The following CHN1 variants were observed in gnomAD, a reference collection of about 807,000 sequenced individuals.
CHN1 encodes N-chimaerin.
In CHN1, 37 loss-of-function variants were observed where a neutral mutation model predicts 59.5. That is an observed-to-expected ratio of 0.62 (90% confidence interval 0.48 to 0.82). CHN1 has a LOEUF of 0.82. Among genes scored for constraint, CHN1 ranks in the 40% least tolerant of loss-of-function variants. The probability of loss-of-function intolerance (pLI) is 0.00; values close to 1 mark genes in which losing one functional copy is unlikely to be tolerated. For synonymous variants in CHN1, 206 were observed against 200.4 expected, an observed-to-expected ratio of 1.03 and a Z score of -0.24; for missense variants, 469 against 571.0, an observed-to-expected ratio of 0.82 and a Z score of 1.82.
At chr2:174,851,171 C>G (rs1686717427) in intron 6 of CHN1, among the ~76,000 whole-genome samples, 1 of 152,156 alleles carries the variant, frequency 6.6e-6, no homozygotes, top group Non-Finnish European at 1.5e-5. Flanking sequence ...TGGGTGGGAG[C>G]CTAAACTGGT....
At chr2:174,829,476 A>G (rs1685796631) in intron 7 of CHN1, among the ~76,000 whole-genome samples, 1 of 152,264 alleles carries the variant, frequency 6.6e-6, no homozygotes, top group African/African-American at 2.4e-5. Context: ...CATCATGTTT[A>G]CAGCATTCAT....
chr2:174,858,280 C>A (rs1315641351), intron 6 of CHN1, among the ~76,000 whole-genome samples: 2 of 152,204 alleles, frequency 1.3e-5, no homozygotes, highest in South Asian at 2.1e-4. Flanking sequence ...TAGAATATAT[C>A]AATTGTAATT....
chr2:174,973,708 G>C (rs192544453), intron 1 of CHN1, among the ~76,000 whole-genome samples: 1 of 152,156 alleles, frequency 6.6e-6, no homozygotes, highest in Non-Finnish European at 1.5e-5. Context: ...GCAGGACAGC[G>C]GTGAGAAGTG....
chr2:175,003,982 A>T (rs1400827659), intron 1 of CHN1, among the ~76,000 whole-genome samples: 2 of 152,236 alleles, frequency 1.3e-5, no homozygotes, highest in African/African-American at 2.4e-5. Context: ...ATTAAAACTG[A>T]ACTGGAAACT....
chr2:174,974,923 A>G (rs1459457600), intron 1 of CHN1, among the ~76,000 whole-genome samples: 1 of 151,870 alleles, frequency 6.6e-6, no homozygotes, highest in Middle Eastern at 3.2e-3. Flanking sequence ...ACACACACAC[A>G]CACACACACA....
At chr2:174,829,662 A>G (rs1336006226) in intron 7 of CHN1, among the ~76,000 whole-genome samples, 1 of 152,224 alleles carries the variant, frequency 6.6e-6, no homozygotes, top group Non-Finnish European at 1.5e-5. Context: ...TGCAAATGTA[A>G]GCCACGTTGG....
At chr2:174,802,190 A>T (rs1446486803) in intron 11 of CHN1, 1 of 217,008 alleles carries the variant, frequency 4.6e-6, no homozygotes, top group East Asian at 1.1e-4. Flanking sequence ...AATAATACTT[A>T]TAGAATGGTA....
intron 3 of CHN1, among the ~76,000 whole-genome samples, chr2:174,919,259 A>G (rs1688935926): frequency 6.6e-6 from 1 of 152,348 alleles, no homozygotes; most frequent in Non-Finnish European, 1.5e-5. Flanking sequence ...GAAAATAGAA[A>G]GTAAGAGTAA....
chr2:174,995,981 C>G (rs1691694073), intron 1 of CHN1, among the ~76,000 whole-genome samples: 1 of 152,106 alleles, frequency 6.6e-6, no homozygotes, highest in Non-Finnish European at 1.5e-5. Context: ...CTGTTAATCT[C>G]TTACTGTACC....
intron 10 of CHN1, 114 bp downstream of exon 10, chr2:174,811,397 A>G: frequency 1.5e-6 from 1 of 649,846 alleles, no homozygotes; most frequent in South Asian, 2.5e-5. Flanking sequence ...TTAATTTGGT[A>G]TAATAATCAT....
At chr2:174,870,164 C>T (rs1003070571) in intron 6 of CHN1, among the ~76,000 whole-genome samples, 1 of 152,170 alleles carries the variant, frequency 6.6e-6, no homozygotes, top group Admixed American at 6.5e-5. Context: ...AAGGCTGATT[C>T]CTTCAAGTTA....
Position 174,798,810 on chromosome 2 carries a change from T to C in CHN1, c.*1306A>G, listed in dbSNP as rs953178835. On this transcript the variant is annotated 3_prime_UTR_variant, in exon 13 of 13. Coordinates refer to ENST00000409900, the MANE Select transcript of CHN1 (RefSeq NM_001822.7). ...TTATTTTTGGAATAATCTTCAAAGT[T>C]TGAACATGTGTCTTTTATTGTTAAA... Among the ~76,000 whole-genome samples the C allele has an allele frequency of 2.0e-5, 3 of 152,254 alleles. No individual in the cohort carries two copies. Among genetic ancestry groups the C allele is most frequent in the African/African-American group, 4.8e-5 (2 of 41,470 alleles).
In CHN1 at chr2:174,918,300, G is replaced by A. The variant is rs549962047; in HGVS notation, c.146+234C>T. Among the ~76,000 whole-genome samples the A allele has an allele frequency of 4.0e-5, 6 of 151,788 alleles. No homozygotes were observed. The South Asian group carries it at 6.3e-4, about 16-fold the overall frequency. On this transcript the variant is annotated intron_variant, in intron 4 of 12. Coordinates refer to ENST00000409900, the MANE Select transcript of CHN1 (RefSeq NM_001822.7). ...TACATCTAAGATTACTTACTTGTAC[G>A]GTTTGCATCCTTAACATTATTGCAT...
chr2:174,982,031 G>A (rs1312269603), intron 1 of CHN1, among the ~76,000 whole-genome samples: 3 of 152,090 alleles, frequency 2.0e-5, no homozygotes, highest in Admixed American at 6.6e-5. Context: ...CCACCTATGA[G>A]TGAGAACACG....
At position 174,811,659 on chromosome 2, in the gene CHN1, G is replaced by A. The variant is rs1485139895; in HGVS notation, c.887-71C>T. ...CAGATTTTAACTCCTCACACTTTAA[G>A]CTGGGAGGTAATGTGTCAGAAGAAA... On this transcript the variant is annotated intron_variant, in intron 9 of 12. Coordinates refer to ENST00000409900, the MANE Select transcript of CHN1 (RefSeq NM_001822.7). 1.5e-5 allele frequency: 13 copies of A among 871,158 alleles called. No individual in the cohort carries two copies. The Admixed American group carries it at 3.0e-4, about 20-fold the overall frequency. 54.0% of individuals were successfully genotyped at this position (871,158 alleles called of 1,614,324 possible). A position where few individuals can be genotyped will look rare whatever the true frequency, so the allele number is the denominator to read the frequency against.
At chr2:174,883,037 G>C (rs1687781464) in intron 5 of CHN1, among the ~76,000 whole-genome samples, 1 of 152,130 alleles carries the variant, frequency 6.6e-6, no homozygotes, top group African/African-American at 2.4e-5. Flanking sequence ...AACACATAAT[G>C]ATATTTCCTT....
At chr2:175,004,830 C>A in intron 1 of CHN1, 64 bp downstream of exon 1, 4 of 1,176,794 alleles carry the variant, frequency 3.4e-6, no homozygotes, top group Admixed American at 6.2e-5. Flanking sequence ...GCCCCCCAGG[C>A]CCCCGCCCCC....
At chr2:174,860,000 A>G (rs1425473432) in intron 6 of CHN1, among the ~76,000 whole-genome samples, 1 of 152,174 alleles carries the variant, frequency 6.6e-6, no homozygotes, top group Non-Finnish European at 1.5e-5. Context: ...TAGGAGGTAA[A>G]GTGATATGTT....
At chr2:174,918,113 CTCA>C (rs1437995185) in intron 4 of CHN1, among the ~76,000 whole-genome samples, 9 of 151,774 alleles carry the variant, frequency 5.9e-5, no homozygotes, top group Non-Finnish European at 1.2e-4. Context: ...TTATATTTTT[CTCA>C]TAATAAAGAT....
Sources: allele counts gnomAD v4.1 joint callset (sites outside exome capture counted in the v4.1 genomes callset), GRCh38; gene constraint gnomAD v4.1.1; transcripts MANE v1.5; gene names NCBI Gene and HGNC (gene_info 2026-07-23, HGNC 2026-07-21).